ENPP2: variants seen among roughly 807,000 people sequenced by gnomAD.
ENPP2 encodes autotaxin.
A neutral mutation model predicts 120.2 loss-of-function variants in ENPP2; 51 were observed. That is an observed-to-expected ratio of 0.42 (90% CI 0.34 to 0.54). The LOEUF is 0.54. Among genes scored for constraint, ENPP2 ranks in the 20% least tolerant of loss-of-function variants. The pLI is 0.04. For missense variants in ENPP2, 920 were observed against 1,066.5 expected (o/e 0.86, Z 1.91); for synonymous variants, 365 against 366.4 (o/e 1.00, Z 0.04).
intron 24 of ENPP2, among the ~76,000 whole-genome samples, chr8:119,560,633 C>T (rs1316492551): frequency 6.6e-6 from 1 of 152,198 alleles, no homozygotes; most frequent in East Asian, 1.9e-4. Flanking sequence ...CTTCCTAAAG[C>T]AGAGCCAAAA....
At chr8:119,644,625 TAC>T (rs1217498689) in intron 1 of ENPP2, among the ~76,000 whole-genome samples, 3,725 of 73,594 alleles carry the variant, frequency 0.051, 345 homozygotes, top group East Asian at 0.078. Context: ...TATATATATA[TAC>T]ACACACACAC....
chr8:119,601,097 G>A (rs72688227), intron 10 of ENPP2, among the ~76,000 whole-genome samples: 1,942 of 152,266 alleles, frequency 0.013, 21 homozygotes, highest in Non-Finnish European at 0.02. Flanking sequence ...ACAGAGAAGC[G>A]TCTCTCTTTA....
In ENPP2 at chr8:119,581,880, G is replaced by A. The variant is rs566238987; in HGVS notation, c.1728+538C>T. ...GATTCTCCCACCTCAGCCTCCCAGC[G>A]CCACCATGCCCGGCTAATTTTTTTG... On this transcript the variant is annotated intron_variant, in intron 18 of 24. Transcript: ENST00000075322. 3.4e-4 allele frequency among the ~76,000 whole-genome samples: 51 copies of A among 150,734 alleles called. 1 individual carries two copies. Among genetic ancestry groups the A allele is most frequent in the African/African-American group, 1.1e-3 (45 of 41,046 alleles).
At chr8:119,596,058 G>C in intron 11 of ENPP2, 1 of 1,526,980 alleles carries the variant, frequency 6.5e-7, no homozygotes, top group Non-Finnish European at 9.0e-7. Context: ...CTCTGAGTCA[G>C]ATATAAAGCT....
At chr8:119,609,628 T>G (rs1265757376) in intron 8 of ENPP2, among the ~76,000 whole-genome samples, 1 of 152,182 alleles carries the variant, frequency 6.6e-6, no homozygotes, top group African/African-American at 2.4e-5. Flanking sequence ...AGCAAGAAGA[T>G]GAGCTCAAAT....
At chr8:119,614,324 C>G (rs1173276213) in intron 8 of ENPP2, among the ~76,000 whole-genome samples, 1 of 152,094 alleles carries the variant, frequency 6.6e-6, no homozygotes, top group Non-Finnish European at 1.5e-5. Flanking sequence ...CTCAGCCTCC[C>G]AAAGTGCTGA....
chr8:119,610,444 A>G (rs1425321037), intron 8 of ENPP2, among the ~76,000 whole-genome samples: 1 of 152,072 alleles, frequency 6.6e-6, no homozygotes, highest in Non-Finnish European at 1.5e-5. Context: ...GCACTAAAAT[A>G]TTGGTCCAGA....
At chr8:119,619,390 G>A in intron 4 of ENPP2, 86 bp from the exon 5 acceptor site, 1 of 849,444 alleles carries the variant, frequency 1.2e-6, no homozygotes, top group Admixed American at 2.3e-5. Flanking sequence ...TCTGTGTCCT[G>A]TTTGATACTT....
chr8:119,585,923 A>AAG (rs1813074113), intron 15 of ENPP2, among the ~76,000 whole-genome samples: 1 of 125,338 alleles, frequency 8.0e-6, no homozygotes, highest in Non-Finnish European at 1.6e-5. Context: ...CAAAGGATGA[A>AAG]AGAGACACAC....
chr8:119,638,126 TCAC>T (rs1298560077), intron 2 of ENPP2, among the ~76,000 whole-genome samples: 2 of 152,228 alleles, frequency 1.3e-5, no homozygotes, highest in Non-Finnish European at 2.9e-5. Flanking sequence ...ACACCTGTTC[TCAC>T]CACTTCTACT....
Position 119,593,746 on chromosome 8 carries a change from C to CT in ENPP2, c.1081+5dup. 6.4e-7 allele frequency: 1 copy of CT among 1,565,538 alleles called. No individual in the cohort carries two copies. Among genetic ancestry groups the CT allele is most frequent in the African/African-American group, 1.4e-5 (1 of 74,072 alleles). ...TCCTATTAGCAAAGAAAAAACAAAG[C>CT]TTTACCATGGTCTCCGACAAAGATG... On this transcript the variant is annotated splice_donor_region_variant and intron_variant, in intron 12 of 24. Transcript: ENST00000075322.
At chr8:119,607,283 A>AAT (rs1814784158) in intron 9 of ENPP2, among the ~76,000 whole-genome samples, 1 of 152,232 alleles carries the variant, frequency 6.6e-6, no homozygotes, top group South Asian at 2.1e-4. Flanking sequence ...GTCTAAGAGA[A>AAT]ATATACATGT....
At chr8:119,601,551 A>G in intron 9 of ENPP2, 89 bp from the exon 10 acceptor site, 1 of 877,810 alleles carries the variant, frequency 1.1e-6, no homozygotes, top group Non-Finnish European at 1.9e-6. Flanking sequence ...ACCCAGGCCA[A>G]ATGCTCTCTA....
intron 1 of ENPP2, among the ~76,000 whole-genome samples, chr8:119,650,474 T>C (rs1305084898): frequency 3.9e-5 from 6 of 152,216 alleles, no homozygotes; most frequent in African/African-American, 1.2e-4. Flanking sequence ...TTGTATAATA[T>C]ATAAATTATA....
chr8:119,570,647 G>C, intron 20 of ENPP2, 58 bp downstream of exon 20: 1 of 903,566 alleles, frequency 1.1e-6, no homozygotes, highest in Non-Finnish European at 1.6e-6. Context: ...AGGAATCATT[G>C]TATTAACATG....
chr8:119,647,514 T>C (rs1307772614), intron 1 of ENPP2, among the ~76,000 whole-genome samples: 5 of 152,226 alleles, frequency 3.3e-5, no homozygotes, highest in African/African-American at 1.2e-4. Flanking sequence ...CCTCTTCACT[T>C]GTAAAGGAGA....
chr8:119,603,392 C>G (rs573456519), intron 9 of ENPP2, among the ~76,000 whole-genome samples: 1 of 152,278 alleles, frequency 6.6e-6, no homozygotes, highest in Admixed American at 6.5e-5. Context: ...CTGTGTCAAG[C>G]TCAGAATGCT....
intron 24 of ENPP2, among the ~76,000 whole-genome samples, chr8:119,559,278 G>A (rs544149638): frequency 2.6e-5 from 4 of 152,242 alleles, no homozygotes; most frequent in East Asian, 3.9e-4. Flanking sequence ...TGTATTTTGA[G>A]AGAATTTTCA....
chr8:119,660,706 C>G (rs549395389), intron 1 of ENPP2, among the ~76,000 whole-genome samples: 5 of 152,268 alleles, frequency 3.3e-5, no homozygotes, highest in South Asian at 2.1e-4. Flanking sequence ...GAGTTTTGAG[C>G]AGTTGTAGGC....
Sources: gnomAD v4.1 joint callset for allele counts (sites outside exome capture counted in the v4.1 genomes callset) on GRCh38, gnomAD v4.1.1 for gene constraint, MANE v1.5 for transcripts, NCBI Gene and HGNC (gene_info 2026-07-23, HGNC 2026-07-21) for gene names.